The following HLCS variants were observed in gnomAD, a reference collection of about 807,000 sequenced individuals.
The protein encoded by HLCS is holocarboxylase synthetase.
HLCS carries 53 observed loss-of-function variants against 75.0 expected under a neutral mutation model. The observed-to-expected ratio is 0.71, with a 90% CI of 0.57 to 0.89. The LOEUF (loss-of-function observed/expected upper bound fraction) is 0.89, where lower values mean the gene tolerates loss of function less well. HLCS is among the 40% of genes least tolerant of loss of function. HLCS has a pLI of 0.00. For missense variants in HLCS, 966 were observed against 1,074.0 expected (o/e 0.90, Z 1.41); for synonymous variants, 431 against 428.6 (o/e 1.01, Z -0.07).
intron 1 of HLCS, among the ~76,000 whole-genome samples, chr21:36,976,954 T>G (rs1403862938): frequency 6.6e-6 from 1 of 152,134 alleles, no homozygotes; most frequent in Non-Finnish European, 1.5e-5. Context: ...ATTTACAATA[T>G]GATGCAATCT....
At chr21:36,837,943 C>G (rs1244314961) in intron 6 of HLCS, among the ~76,000 whole-genome samples, 2 of 152,144 alleles carry the variant, frequency 1.3e-5, no homozygotes, top group Admixed American at 1.3e-4. Flanking sequence ...CTGAATAATC[C>G]TTAGGTAATG....
At position 36,759,737 on chromosome 21, in the gene HLCS, A is replaced by G; in HGVS notation, c.2226T>C (p.Tyr742=). Residue 742 remains tyrosine, a synonymous_variant, in exon 9 of 11, where the codon TAT becomes TAC. Coordinates refer to ENST00000674895, the MANE Select transcript of HLCS (RefSeq NM_001352514.2). ...GTTTTTGAAACTTACCAATAAGTAT[A>G]TAAAATGTTTCTCCCATGAGTGTTG... The part of the protein sequence containing the change: ...VNSTLMGETF[Y]ILIGCGFNVT... 6.3e-7 allele frequency: 1 copy of G among 1,582,362 alleles called. No individual in the cohort carries two copies. Among genetic ancestry groups the G allele is most frequent in the Non-Finnish European group, 8.7e-7 (1 of 1,150,948 alleles).
chr21:36,975,677 G>A (rs2068918410), intron 1 of HLCS, among the ~76,000 whole-genome samples: 1 of 152,126 alleles, frequency 6.6e-6, no homozygotes, highest in African/African-American at 2.4e-5. Flanking sequence ...GGAGGCTGAG[G>A]CGGGAGAACT....
intron 6 of HLCS, among the ~76,000 whole-genome samples, chr21:36,826,795 C>T (rs2062022020): frequency 6.6e-6 from 1 of 152,240 alleles, no homozygotes; most frequent in Admixed American, 6.5e-5. Context: ...ACACAGTTAA[C>T]AGCGGAACTG....
Position 36,930,359 on chromosome 21 carries a change from A to G in HLCS, c.1512T>C (p.Asn504=). The change falls in exon 5 of 11, where the codon AAT becomes AAC. Residue 504 remains asparagine (N), a synonymous_variant. Transcript: ENST00000674895. The part of the protein sequence containing the change: ...PEDFNLLKSS[N]FRRYEVLREI... ...CTCTAAGGACTTCGTATCTTCTAAA[A>G]TTGCTTGACTTGAGCAAGTTAAAAT... 1 of 1,614,228 alleles carries G rather than the reference A, an allele frequency of 6.2e-7. No homozygotes were observed. Among genetic ancestry groups the G allele is most frequent in the East Asian group, 2.2e-5 (1 of 44,888 alleles).
chr21:36,938,715 C>T (rs1033302665), intron 3 of HLCS, 117 bp downstream of exon 3: 2 of 1,006,234 alleles, frequency 2.0e-6, no homozygotes, highest in Admixed American at 3.5e-5. Context: ...GCTGCTCAGG[C>T]TGGTCTCGAA....
chr21:36,973,402 A>C (rs928996102), intron 1 of HLCS, among the ~76,000 whole-genome samples: 1 of 128,784 alleles, frequency 7.8e-6, no homozygotes, highest in Non-Finnish European at 1.8e-5. Flanking sequence ...CTTCAAAAAC[A>C]GACTGTACCC....
chr21:36,781,012 C>G (rs957299140), intron 6 of HLCS, among the ~76,000 whole-genome samples: 3 of 138,344 alleles, frequency 2.2e-5, no homozygotes, highest in African/African-American at 8.0e-5. Flanking sequence ...AAAGCTTCCT[C>G]TGTATTTACA....
rs1301778654 is a variant in HLCS at position 36,962,026 on chromosome 21, T to C, written c.330+10A>G. ...GTTCCTTATGGGACACAAGTAAACA[T>C]GGTACTCACTGTTTCTGAAGAGGAT... On this transcript the variant is annotated intron_variant, in intron 2 of 10. Transcript: ENST00000674895. 9 of 1,287,490 alleles carry C rather than the reference T, an allele frequency of 7.0e-6. No individual in the cohort carries two copies. Among genetic ancestry groups the C allele is most frequent in the Admixed American group, 4.6e-5 (2 of 43,412 alleles). 79.8% of individuals were successfully genotyped at this position (1,287,490 alleles called of 1,614,324 possible).
chr21:36,751,173 A>T lies in HLCS; in HGVS notation c.*3073T>A, dbSNP rs1872587651. The T allele has an allele frequency of 6.6e-6, 1 of 152,652 alleles. No homozygotes were observed. The allele number at this position is 152,652 out of a possible 1,614,324, so 9.5% of individuals were successfully genotyped here. A position where few individuals can be genotyped will look rare whatever the true frequency, so the allele number is the denominator to read the frequency against. ...TACTTTTAAAAATGAAACTTGTAAA[A>T]ATAAGAGGGAGCCCAAACCACATAG... On this transcript the variant is annotated 3_prime_UTR_variant, in exon 11 of 11. Coordinates refer to ENST00000674895, the MANE Select transcript of HLCS (RefSeq NM_001352514.2).
upstream of HLCS, chr21:36,966,768 A>C: frequency 7.0e-6 from 1 of 142,186 alleles, no homozygotes; most frequent in South Asian, 3.1e-4. Flanking sequence ...ACGGCGGGGG[A>C]GGCGGGGACC....
In HLCS at chr21:36,938,861, T is replaced by A; in HGVS notation, c.464A>T (p.Asp155Val). 2 of 1,614,144 alleles carry A rather than the reference T, an allele frequency of 1.2e-6. No homozygotes were observed. The highest frequency in any genetic ancestry group is 1.7e-6 in the Non-Finnish European group (2 of 1,180,030). The change falls in exon 3 of 11, where the codon GAT becomes GTT. Residue 155 changes from aspartate to valine, a missense_variant. Asp to Val is a radical substitution (Grantham distance 152). Transcript: ENST00000674895. ...VAFMEDRLHM[D>V]NGLVPQKIVS... ...AATCTTTTGGGGTACCAGTCCATTA[T>A]CCATGTGGAGTCTATCTTCCATGAA...
chr21:36,781,527 C>G (rs950175840), intron 6 of HLCS, among the ~76,000 whole-genome samples: 3 of 152,062 alleles, frequency 2.0e-5, no homozygotes, highest in African/African-American at 7.3e-5. Context: ...TTTCCTTTAA[C>G]TAGTTATTGC....
At chr21:36,954,776 A>C (rs541427331) in intron 2 of HLCS, among the ~76,000 whole-genome samples, 9 of 148,394 alleles carry the variant, frequency 6.1e-5, no homozygotes, top group Non-Finnish European at 9.0e-5. Flanking sequence ...CAAAACAAAA[A>C]AAACAGCTGG....
chr21:36,900,601 A>T (rs2065198369), intron 5 of HLCS, among the ~76,000 whole-genome samples: 2 of 152,114 alleles, frequency 1.3e-5, no homozygotes, highest in Non-Finnish European at 2.9e-5. Context: ...CCTCTGTTGG[A>T]GCAGGATCAC....
chr21:36,755,080 AT>A (rs565206351), intron 10 of HLCS, among the ~76,000 whole-genome samples: 3 of 151,358 alleles, frequency 2.0e-5, no homozygotes, highest in East Asian at 1.9e-4. Flanking sequence ...ACAAGCACAC[AT>A]TTTTTTTTCC....
At chr21:36,781,345 T>G (rs907450451) in intron 6 of HLCS, among the ~76,000 whole-genome samples, 6 of 152,158 alleles carry the variant, frequency 3.9e-5, no homozygotes, top group African/African-American at 1.2e-4. Flanking sequence ...CTGACCATCT[T>G]TGTGATTTTG....
At chr21:36,760,158 A>T (rs1232984145) in intron 8 of HLCS, among the ~76,000 whole-genome samples, 1 of 152,106 alleles carries the variant, frequency 6.6e-6, no homozygotes, top group South Asian at 2.1e-4. Context: ...AGTATCCACC[A>T]CCACCACCAC....
Position 36,754,160 on chromosome 21 carries a change from G to A in HLCS, c.*86C>T. 7.6e-7 allele frequency: 1 copy of A among 1,320,480 alleles called. No homozygotes were observed. The highest frequency in any genetic ancestry group is 1.1e-6 in the Non-Finnish European group (1 of 932,874). The allele number at this position is 1,320,480 out of a possible 1,614,324, so 81.8% of individuals were successfully genotyped here. A position where few individuals can be genotyped will look rare whatever the true frequency, so the allele number is the denominator to read the frequency against. ...ACAAAGACTTAACAAATGAATTGGAGGAAAAGAAAATTCACCTACAACTCT... is the reference window on the plus strand; with the variant it reads ...ACAAAGACTTAACAAATGAATTGGAAGAAAAGAAAATTCACCTACAACTCT... On this transcript the variant is annotated 3_prime_UTR_variant, in exon 11 of 11. Coordinates refer to ENST00000674895, the MANE Select transcript of HLCS (RefSeq NM_001352514.2).
Sources: allele counts gnomAD v4.1 joint callset (sites outside exome capture counted in the v4.1 genomes callset), GRCh38; gene constraint gnomAD v4.1.1; transcripts MANE v1.5; gene names NCBI Gene and HGNC (gene_info 2026-07-23, HGNC 2026-07-21).